The following NDST4 variants were observed in gnomAD, a reference collection of about 807,000 sequenced individuals.
NDST4 encodes the protein N-deacetylase and N-sulfotransferase 4, also known as N-heparan sulfate sulfotransferase 4.
NDST4 carries 63 observed loss-of-function variants against 100.8 expected under a neutral mutation model. The ratio of observed to expected loss-of-function variants is 0.62; its 90% CI spans 0.51 to 0.77. The LOEUF (loss-of-function observed/expected upper bound fraction) is 0.77, where lower values mean the gene tolerates loss of function less well. Among genes scored for constraint, NDST4 ranks in the 30% least tolerant of loss-of-function variants. The probability of loss-of-function intolerance (pLI) is 0.00; values close to 1 mark genes in which losing one functional copy is unlikely to be tolerated. For missense variants in NDST4, 943 were observed against 1,018.4 expected (o/e 0.93, Z 1.01); for synonymous variants, 377 against 361.8 (o/e 1.04, Z -0.48).
At chr4:115,022,182 C>T (rs982599958) in intron 2 of NDST4, among the ~76,000 whole-genome samples, 8 of 150,200 alleles carry the variant, frequency 5.3e-5, no homozygotes, top group South Asian at 2.1e-4. Context: ...CGTCTATGCA[C>T]GTTCCATATA....
At chr4:115,081,959 A>G (rs1729313929) in intron 1 of NDST4, among the ~76,000 whole-genome samples, 1 of 152,180 alleles carries the variant, frequency 6.6e-6, no homozygotes, top group Admixed American at 6.5e-5. Flanking sequence ...ATTCTTCTTA[A>G]TCTGACTTTC....
chr4:114,962,894 G>T (rs1726295750), intron 4 of NDST4, among the ~76,000 whole-genome samples: 1 of 152,026 alleles, frequency 6.6e-6, no homozygotes, highest in African/African-American at 2.4e-5. Flanking sequence ...CCACTAGAAT[G>T]ACTATAATAA....
chr4:114,897,377 G>GT (rs1326382923), intron 6 of NDST4, among the ~76,000 whole-genome samples: 2 of 152,032 alleles, frequency 1.3e-5, no homozygotes, highest in Middle Eastern at 3.2e-3. Context: ...ATACATTTAA[G>GT]TTTCTTCCAT....
intron 1 of NDST4, among the ~76,000 whole-genome samples, chr4:115,102,439 AATG>A (rs545090231): frequency 8.3e-4 from 126 of 152,268 alleles, no homozygotes; most frequent in African/African-American, 2.2e-3. Flanking sequence ...TTAAAATATC[AATG>A]ATAACAGTAA....
intron 7 of NDST4, among the ~76,000 whole-genome samples, chr4:114,853,607 T>C (rs1285746267): frequency 6.6e-6 from 1 of 151,950 alleles, no homozygotes; most frequent in Non-Finnish European, 1.5e-5. Context: ...GACTGCCATG[T>C]TGGTTTTATT....
intron 2 of NDST4, among the ~76,000 whole-genome samples, chr4:114,992,286 T>C (rs988044303): frequency 2.6e-5 from 4 of 151,910 alleles, no homozygotes; most frequent in African/African-American, 4.8e-5. Flanking sequence ...TTAATTTTTT[T>C]AAGAGATGTT....
chr4:114,923,915 T>C (rs1725336672), intron 6 of NDST4, among the ~76,000 whole-genome samples: 1 of 151,896 alleles, frequency 6.6e-6, no homozygotes, highest in South Asian at 2.1e-4. Flanking sequence ...GCAGCTTTCA[T>C]TTATTTTTCG....
intron 1 of NDST4, among the ~76,000 whole-genome samples, chr4:115,086,243 G>T (rs529714220): frequency 6.6e-6 from 1 of 151,996 alleles, no homozygotes; most frequent in Non-Finnish European, 1.5e-5. Flanking sequence ...TCAGCTTCCA[G>T]GCCAAAAAAT....
chr4:114,900,278 G>C (rs1301624617), intron 6 of NDST4, among the ~76,000 whole-genome samples: 1 of 151,716 alleles, frequency 6.6e-6, no homozygotes, highest in African/African-American at 2.4e-5. Flanking sequence ...TAGAGAACCA[G>C]CTTTTGGTTT....
intron 2 of NDST4, among the ~76,000 whole-genome samples, chr4:115,066,287 C>T (rs533774342): frequency 1.3e-5 from 2 of 152,102 alleles, no homozygotes; most frequent in African/African-American, 4.8e-5. Context: ...ACAATTTTGG[C>T]AATTTTTTAA....
chr4:114,968,944 T>G (rs1726443226), intron 4 of NDST4, among the ~76,000 whole-genome samples: 1 of 152,124 alleles, frequency 6.6e-6, no homozygotes, highest in Admixed American at 6.5e-5. Flanking sequence ...GAAACTGTGC[T>G]AATGGACCAA....
intron 2 of NDST4, among the ~76,000 whole-genome samples, chr4:115,032,538 T>C (rs1728137206): frequency 6.6e-6 from 1 of 152,098 alleles, no homozygotes; most frequent in Admixed American, 6.6e-5. Flanking sequence ...TGTCCCACAT[T>C]TGAAAGAACT....
At chr4:114,968,318 C>T (rs1166193253) in intron 4 of NDST4, among the ~76,000 whole-genome samples, 1 of 152,142 alleles carries the variant, frequency 6.6e-6, no homozygotes, top group Non-Finnish European at 1.5e-5. Flanking sequence ...GTTAGGAGTT[C>T]CTAACTAGGA....
intron 4 of NDST4, among the ~76,000 whole-genome samples, chr4:114,962,041 A>T (rs559323516): frequency 1.4e-4 from 21 of 152,248 alleles, no homozygotes; most frequent in African/African-American, 4.8e-4. Context: ...ACATCTAAAA[A>T]TCAATTAGAG....
Position 114,924,270 on chromosome 4 carries a change from C to G in NDST4, c.1536+10936G>C, listed in dbSNP as rs112697480. ...TCTACATCCTTATGCTAACTCTGAT[C>G]CTGATTTTCAGTGTTAACAGAAAGA... On this transcript the variant is annotated intron_variant, in intron 6 of 13. Coordinates refer to ENST00000264363, the MANE Select transcript of NDST4 (RefSeq NM_022569.3). 2.6e-3 allele frequency among the ~76,000 whole-genome samples: 400 copies of G among 152,136 alleles called. 3 individuals are homozygous for G. Among genetic ancestry groups the G allele is most frequent in the African/African-American group, 9.2e-3 (380 of 41,522 alleles).
intron 4 of NDST4, among the ~76,000 whole-genome samples, chr4:114,940,439 T>A (rs1725724184): frequency 6.6e-6 from 1 of 152,232 alleles, no homozygotes; most frequent in Non-Finnish European, 1.5e-5. Context: ...ACTGATCATA[T>A]CTTCTTTTAA....
intron 2 of NDST4, among the ~76,000 whole-genome samples, chr4:115,057,018 A>G (rs1355680046): frequency 1.3e-5 from 2 of 152,038 alleles, no homozygotes; most frequent in Non-Finnish European, 2.9e-5. Flanking sequence ...TCTTTCACAC[A>G]TTTCCCCAAA....
intron 6 of NDST4, among the ~76,000 whole-genome samples, chr4:114,933,069 C>A (rs565851214): frequency 6.6e-6 from 1 of 152,070 alleles, no homozygotes; most frequent in African/African-American, 2.4e-5. Flanking sequence ...TATCATCAAA[C>A]TATACTACAA....
intron 2 of NDST4, among the ~76,000 whole-genome samples, chr4:115,004,763 T>C (rs1342419305): frequency 6.6e-6 from 1 of 152,172 alleles, no homozygotes; most frequent in Non-Finnish European, 1.5e-5. Context: ...TACTTAATAT[T>C]TCATCCTTTT....
Sources: allele counts gnomAD v4.1 joint callset (sites outside exome capture counted in the v4.1 genomes callset), GRCh38; gene constraint gnomAD v4.1.1; transcripts MANE v1.5; gene names NCBI Gene and HGNC (gene_info 2026-07-23, HGNC 2026-07-21).